The following ST3GAL4 variants were observed in gnomAD, a reference collection of about 807,000 sequenced individuals.
ST3GAL4 encodes the protein ST3 beta-galactoside alpha-2,3-sialyltransferase 4.
ST3GAL4 carries 24 observed loss-of-function variants against 42.6 expected under a neutral mutation model. That is an observed-to-expected ratio of 0.56 (90% CI 0.41 to 0.79). The LOEUF is 0.79. Among genes scored for constraint, ST3GAL4 ranks in the 30% least tolerant of loss-of-function variants. ST3GAL4 has a pLI of 0.00. For synonymous variants in ST3GAL4, 135 were observed against 163.2 expected (o/e 0.83, Z 1.32); for missense variants, 311 against 430.8 (o/e 0.72, Z 2.46).
intron 1 of ST3GAL4, among the ~76,000 whole-genome samples, chr11:126,369,300 C>T (rs1039469335): frequency 1.1e-4 from 16 of 151,974 alleles, no homozygotes; most frequent in African/African-American, 3.4e-4. Context: ...CAGGCTGGAG[C>T]ACAGTGGTGT....
rs1042973332 is a variant in ST3GAL4, at chr11:126,396,268, G to C, written c.-60-9828G>C. On this transcript the variant is annotated intron_variant, in intron 1 of 10. Transcript: ENST00000444328. The surrounding 1 kb of genome is among the most constrained non-coding windows in gnomAD (Gnocchi z 5.8). The stretch of plus-strand genomic sequence containing the variant: ...CACTGTGGAGACTGACTCCTGGACA[G>C]GCTGTGGAATGTGTGGAAGCAGGTA... Among the ~76,000 whole-genome samples, 2 of 152,032 alleles carry C rather than the reference G, an allele frequency of 1.3e-5. No individual in the cohort carries two copies. The highest frequency in any genetic ancestry group is 4.8e-5 in the African/African-American group (2 of 41,328).
At chr11:126,381,152 G>A (rs1251462950) in intron 1 of ST3GAL4, among the ~76,000 whole-genome samples, 1 of 152,306 alleles carries the variant, frequency 6.6e-6, no homozygotes, top group East Asian at 1.9e-4. Flanking sequence ...TTGCACTGTG[G>A]CTTTGCTCGG....
rs967684771 is a variant in ST3GAL4, at chr11:126,406,857, T to G, written c.102-86T>G. 3.2e-6 allele frequency: 4 copies of G among 1,262,576 alleles called. No individual in the cohort carries two copies. Among genetic ancestry groups the G allele is most frequent in the Admixed American group, 3.6e-5 (2 of 55,268 alleles). 78.2% of individuals were successfully genotyped at this position (1,262,576 alleles called of 1,614,324 possible). A position where few individuals can be genotyped will look rare whatever the true frequency, so the allele number is the denominator to read the frequency against. ...CCTCCCCGGCACCTTGGGACCTTCA[T>G]GCCGTGGGAGAAGGCTTAGGCTGCC... On this transcript the variant is annotated intron_variant, in intron 3 of 10. Coordinates refer to ENST00000444328, the MANE Select transcript of ST3GAL4 (RefSeq NM_001254757.2). The surrounding 1 kb of genome is among the most constrained non-coding windows in gnomAD (Gnocchi z 5.4).
chr11:126,406,682 C>A lies in ST3GAL4; in HGVS notation c.101+125C>A. The A allele has an allele frequency of 8.5e-7, 1 of 1,182,186 alleles. No homozygotes were observed. The highest frequency in any genetic ancestry group is 2.7e-5 in the East Asian group (1 of 36,744). 73.2% of individuals were successfully genotyped at this position (1,182,186 alleles called of 1,614,324 possible). On this transcript the variant is annotated intron_variant, in intron 3 of 10. Transcript: ENST00000444328. This position sits in a 1 kb window ranked among gnomAD's most constrained non-coding sequence, Gnocchi z 5.4. ...CAAGAGCCGGCACATGACCTCATCC[C>A]TTCAGCTGCTGGTACGGAGTGTTTC...
intron 1 of ST3GAL4, among the ~76,000 whole-genome samples, chr11:126,402,027 T>C (rs78772059): frequency 1.4e-5 from 2 of 147,538 alleles, no homozygotes; most frequent in Non-Finnish European, 3.0e-5. Context: ...AGAGGAGTCA[T>C]TGATTGGGAA....
chr11:126,389,939 C>G (rs574999601), intron 1 of ST3GAL4, among the ~76,000 whole-genome samples: 110 of 146,018 alleles, frequency 7.5e-4, no homozygotes, highest in Middle Eastern at 7.3e-3. Flanking sequence ...ACTGGGAGGC[C>G]GAGGCGGGTG....
rs1442414266 is a variant in ST3GAL4 at position 126,363,926 on chromosome 11, G to GGCT, written c.-61+8085_-61+8087dup. The stretch of plus-strand genomic sequence containing the variant: ...CCCCAGCCCAGAGCTTGCCTCTGTT[G>GGCT]GCTTTGTGACCCTCGCTTTGTACTG... On this transcript the variant is annotated intron_variant, in intron 1 of 10. Coordinates refer to ENST00000444328, the MANE Select transcript of ST3GAL4 (RefSeq NM_001254757.2). This position sits in a 1 kb window ranked among gnomAD's most constrained non-coding sequence, Gnocchi z 4.6. Among the ~76,000 whole-genome samples the GGCT allele has an allele frequency of 6.6e-6, 1 of 152,210 alleles. No individual in the cohort carries two copies. Among genetic ancestry groups the GGCT allele is most frequent in the Non-Finnish European group, 1.5e-5 (1 of 68,030 alleles).
rs1225734683 is a variant in ST3GAL4 at position 126,373,399 on chromosome 11, T to G, written c.-61+17557T>G. 2.0e-5 allele frequency among the ~76,000 whole-genome samples: 3 copies of G among 152,138 alleles called. No homozygotes were observed. The highest frequency in any genetic ancestry group is 7.2e-5 in the African/African-American group (3 of 41,418). On this transcript the variant is annotated intron_variant, in intron 1 of 10. Transcript: ENST00000444328. This position sits in a 1 kb window ranked among gnomAD's most constrained non-coding sequence, Gnocchi z 5.5. ...TCCACACAGGCACTGGATTTGTCCTTTACTTTGGGCCCAGGCTGCACTCTT... is the reference window on the plus strand; with the variant it reads ...TCCACACAGGCACTGGATTTGTCCTGTACTTTGGGCCCAGGCTGCACTCTT...
intron 1 of ST3GAL4, among the ~76,000 whole-genome samples, chr11:126,382,110 A>C (rs1953027861): frequency 6.6e-6 from 1 of 151,812 alleles, no homozygotes; most frequent in Non-Finnish European, 1.5e-5. Flanking sequence ...CAGCTGTCCA[A>C]ATAGAGCAAG....
rs1953942886 is a variant in ST3GAL4 at position 126,400,178 on chromosome 11, ATGG to A, written c.-60-5916_-60-5914del. On this transcript the variant is annotated intron_variant, in intron 1 of 10. Coordinates refer to ENST00000444328, the MANE Select transcript of ST3GAL4 (RefSeq NM_001254757.2). The surrounding 1 kb of genome is among the most constrained non-coding windows in gnomAD (Gnocchi z 4.6). ...TAATGAATAGAATTTTATTTGGCTC[ATGG>A]TTCTGGAGGCTGGGAAGTCCAAGAT... Among the ~76,000 whole-genome samples, 2 of 152,230 alleles carry A rather than the reference ATGG, an allele frequency of 1.3e-5. No individual in the cohort carries two copies. The highest frequency in any genetic ancestry group is 4.8e-5 in the African/African-American group (2 of 41,460).
chr11:126,380,516 C>T (rs892127835), intron 1 of ST3GAL4, among the ~76,000 whole-genome samples: 8 of 152,158 alleles, frequency 5.3e-5, no homozygotes, highest in Admixed American at 3.3e-4. Flanking sequence ...GATGTTCTTG[C>T]CATAAAGGTC....
intron 1 of ST3GAL4, chr11:126,375,108 G>A (rs1283831087): frequency 6.6e-6 from 1 of 152,234 alleles, no homozygotes; most frequent in African/African-American, 2.4e-5. Flanking sequence ...CGGGAGACCT[G>A]GCCTACAGCG....
intron 1 of ST3GAL4, among the ~76,000 whole-genome samples, chr11:126,369,048 C>T (rs1210580474): frequency 1.3e-5 from 2 of 152,116 alleles, no homozygotes; most frequent in Non-Finnish European, 2.9e-5. Context: ...CATACTGTGG[C>T]TGGTGCTCTG....
Position 126,363,835 on chromosome 11 carries a change from A to T in ST3GAL4, c.-61+7993A>T, listed in dbSNP as rs1030589674. On this transcript the variant is annotated intron_variant, in intron 1 of 10. Coordinates refer to ENST00000444328, the MANE Select transcript of ST3GAL4 (RefSeq NM_001254757.2). This position sits in a 1 kb window ranked among gnomAD's most constrained non-coding sequence, Gnocchi z 4.6. ...CAGACCCCATTGAGGTGAGCACACA[A>T]CAGTGTTCTGTGTGAGGGTCTGGAT... 6.6e-6 allele frequency among the ~76,000 whole-genome samples: 1 copy of T among 152,226 alleles called. No individual in the cohort carries two copies. The highest frequency in any genetic ancestry group is 2.4e-5 in the African/African-American group (1 of 41,462).
intron 1 of ST3GAL4, 180 bp from the exon 2 acceptor site, chr11:126,405,916 G>A (rs528461067): frequency 2.2e-5 from 16 of 726,242 alleles, no homozygotes; most frequent in Admixed American, 1.1e-4. Flanking sequence ...CCTTAATGCC[G>A]CCCTTGGAGG....
chr11:126,393,559 G>A lies in ST3GAL4; in HGVS notation c.-60-12537G>A, dbSNP rs1041048830. Reference sequence around the variant, plus strand: ...AGAGTCAAACGAGTCAGAATAAGCGGGACCCCTCCACAGGCATCTCAGCCC... The same window carrying A: ...AGAGTCAAACGAGTCAGAATAAGCGAGACCCCTCCACAGGCATCTCAGCCC... On this transcript the variant is annotated intron_variant, in intron 1 of 10. Coordinates refer to ENST00000444328, the MANE Select transcript of ST3GAL4 (RefSeq NM_001254757.2). The surrounding 1 kb of genome is among the most constrained non-coding windows in gnomAD (Gnocchi z 5.9). 1.3e-5 allele frequency among the ~76,000 whole-genome samples: 2 copies of A among 152,264 alleles called. No individual in the cohort carries two copies. The highest frequency in any genetic ancestry group is 3.9e-4 in the East Asian group (2 of 5,184).
intron 1 of ST3GAL4, among the ~76,000 whole-genome samples, chr11:126,365,822 C>G (rs891740836): frequency 3.5e-4 from 53 of 152,278 alleles, no homozygotes; most frequent in Admixed American, 1.0e-3. Context: ...GAGGCTGAGA[C>G]GGGCCCAGAG....
intron 1 of ST3GAL4, among the ~76,000 whole-genome samples, chr11:126,370,603 C>T (rs1375490715): frequency 6.6e-6 from 1 of 151,968 alleles, no homozygotes; most frequent in Non-Finnish European, 1.5e-5. Context: ...CTCTGTATCT[C>T]ACTTAAACTT....
rs1474603945 is a variant in ST3GAL4, at chr11:126,396,005, TGAG to T, written c.-60-10084_-60-10082del. Among the ~76,000 whole-genome samples, 2 of 151,040 alleles carry T rather than the reference TGAG, an allele frequency of 1.3e-5. No homozygotes were observed. Among genetic ancestry groups the T allele is most frequent in the Non-Finnish European group, 2.9e-5 (2 of 67,964 alleles). On this transcript the variant is annotated intron_variant, in intron 1 of 10. Coordinates refer to ENST00000444328, the MANE Select transcript of ST3GAL4 (RefSeq NM_001254757.2). The surrounding 1 kb of genome is among the most constrained non-coding windows in gnomAD (Gnocchi z 5.8). ...AGAAGAGTCCATGGGGTTTTGGGGC[TGAG>T]GAGGAGTTTTACAGATGACCGGTCT...
Sources: gnomAD v4.1 joint callset for allele counts (sites outside exome capture counted in the v4.1 genomes callset) on GRCh38, gnomAD v4.1.1 for gene constraint, Gnocchi (gnomAD v3.1) non-coding constraint, MANE v1.5 for transcripts, NCBI Gene and HGNC (gene_info 2026-07-23, HGNC 2026-07-21) for gene names.